DNMT3A: variants seen among roughly 807,000 people sequenced by gnomAD.
DNMT3A encodes DNA methyltransferase 3 alpha.
In DNMT3A, 267 loss-of-function variants were observed where a neutral mutation model predicts 117.6. The ratio of observed to expected loss-of-function variants is 2.27; its 90% CI spans 2.05 to 2.51. The LOEUF (loss-of-function observed/expected upper bound fraction) is 2.51, where lower values mean the gene tolerates loss of function less well. Among genes scored for constraint, DNMT3A ranks in the 30% most tolerant of loss-of-function variants. The pLI is 0.00. For synonymous variants in DNMT3A, 432 were observed against 474.8 expected (o/e 0.91, Z 1.17); for missense variants, 1,029 against 1,260.2 (o/e 0.82, Z 2.78).
intron 6 of DNMT3A, among the ~76,000 whole-genome samples, chr2:25,270,205 A>G (rs1307493701): frequency 5.9e-5 from 9 of 152,178 alleles, no homozygotes; most frequent in Admixed American, 5.9e-4. Flanking sequence ...TGCCTGCTGT[A>G]TTCCTCCCTC....
At chr2:25,245,229 T>C (rs761469301) in intron 13 of DNMT3A, 24 bp downstream of exon 13, 1 of 1,611,936 alleles carries the variant, frequency 6.2e-7, no homozygotes, top group Non-Finnish European at 8.5e-7. Flanking sequence ...CAACGGCACC[T>C]CTCCTGGGTG....
Position 25,234,257 on chromosome 2 carries a change from C to T in DNMT3A, c.*22G>A, listed in dbSNP as rs1237968018. The T allele has an allele frequency of 3.1e-6, 5 of 1,594,050 alleles. No homozygotes were observed. The South Asian group carries it at 3.4e-5, about 11-fold the overall frequency. On this transcript the variant is annotated 3_prime_UTR_variant, in exon 23 of 23. Coordinates refer to ENST00000321117, the MANE Select transcript of DNMT3A (RefSeq NM_022552.5). This position sits in a 1 kb window ranked among gnomAD's most constrained non-coding sequence, Gnocchi z 4.5. ...TTGTTTGTTTAACTTTGTGTCGCTA[C>T]CTCAGTTTGCCCCCATGTCCCTTAC...
At position 25,231,644 on chromosome 2, in the gene DNMT3A, G is replaced by C. The variant is rs993313147; in HGVS notation, c.*2635C>G. 4 of 152,288 alleles carry C rather than the reference G, an allele frequency of 2.6e-5. No homozygotes were observed. Among genetic ancestry groups the C allele is most frequent in the Non-Finnish European group, 5.9e-5 (4 of 68,166 alleles). The allele number at this position is 152,288 out of a possible 1,614,324, so 9.4% of individuals were successfully genotyped here. The stretch of plus-strand genomic sequence containing the variant: ...AGACCTGGATGTCAATTTGATTTCA[G>C]TTGGGGAGAATAGGTAGGGGGAGTT... On this transcript the variant is annotated 3_prime_UTR_variant, in exon 23 of 23. Transcript: ENST00000321117.
In DNMT3A at chr2:25,254,146, C is replaced by T. The variant is rs895256234; in HGVS notation, c.640-5894G>A. On this transcript the variant is annotated intron_variant, in intron 6 of 22. Coordinates refer to ENST00000321117, the MANE Select transcript of DNMT3A (RefSeq NM_022552.5). This position sits in a 1 kb window ranked among gnomAD's most constrained non-coding sequence, Gnocchi z 4.7. ...TGACCTTAAACAAGTCACTTAACCC[C>T]CAAGAAATCTGTTGTCTCATCTGCA... Among the ~76,000 whole-genome samples, 5 of 152,234 alleles carry T rather than the reference C, an allele frequency of 3.3e-5. 1 individual carries two copies. The highest frequency in any genetic ancestry group is 1.2e-4 in the African/African-American group (5 of 41,532).
At chr2:25,329,860 C>T (rs571186178) in intron 1 of DNMT3A, among the ~76,000 whole-genome samples, 8 of 152,312 alleles carry the variant, frequency 5.3e-5, no homozygotes, top group African/African-American at 1.4e-4. Context: ...GGATGCTGGG[C>T]GGGCCTTCCG....
At chr2:25,264,547 A>G (rs548304901) in intron 6 of DNMT3A, among the ~76,000 whole-genome samples, 1 of 151,578 alleles carries the variant, frequency 6.6e-6, no homozygotes, top group Non-Finnish European at 1.5e-5. Flanking sequence ...GGCTCACTGC[A>G]AGCTCCGCCT....
chr2:25,240,904 G>A (rs1673951444), intron 17 of DNMT3A, among the ~76,000 whole-genome samples, 174 bp from the exon 18 acceptor site: 1 of 152,226 alleles, frequency 6.6e-6, no homozygotes, highest in Non-Finnish European at 1.5e-5. Flanking sequence ...TCCTAAACAA[G>A]AACGGGACCA....
chr2:25,303,628 C>G (rs2033633298), intron 2 of DNMT3A, among the ~76,000 whole-genome samples: 2 of 152,236 alleles, frequency 1.3e-5, no homozygotes, highest in South Asian at 4.1e-4. Context: ...GCTTCTGGGT[C>G]GTGCTTGGAG....
At chr2:25,287,168 C>A (rs993294153) in intron 3 of DNMT3A, among the ~76,000 whole-genome samples, 5 of 151,926 alleles carry the variant, frequency 3.3e-5, no homozygotes, top group Admixed American at 2.0e-4. Context: ...ACAGCACACC[C>A]CCGAGATACT....
intron 3 of DNMT3A, among the ~76,000 whole-genome samples, chr2:25,292,006 G>C (rs2032796375): frequency 6.6e-6 from 1 of 152,202 alleles, no homozygotes; most frequent in Non-Finnish European, 1.5e-5. Context: ...TGTAATCCCA[G>C]CACTTTGGGA....
intron 6 of DNMT3A, among the ~76,000 whole-genome samples, chr2:25,274,012 G>A (rs1393290033): frequency 6.6e-6 from 1 of 152,126 alleles, no homozygotes; most frequent in African/African-American, 2.4e-5. Flanking sequence ...GGATTTAAAT[G>A]CCAGGGTTCT....
chr2:25,308,968 TACACACACACAC>T (rs10628428), intron 2 of DNMT3A, among the ~76,000 whole-genome samples: 18 of 144,124 alleles, frequency 1.2e-4, no homozygotes, highest in African/African-American at 3.1e-4. Context: ...CACAGATGCA[TACACACACACAC>T]ACACACACAC....
In DNMT3A at chr2:25,252,117, A is replaced by G; in HGVS notation, c.640-3865T>C. 2 of 1,519,626 alleles carry G rather than the reference A, an allele frequency of 1.3e-6. No homozygotes were observed. Among genetic ancestry groups the G allele is most frequent in the Admixed American group, 2.0e-5 (1 of 48,848 alleles). 94.1% of individuals were successfully genotyped at this position (1,519,626 alleles called of 1,614,324 possible). On this transcript the variant is annotated intron_variant, in intron 6 of 22. Coordinates refer to ENST00000321117, the MANE Select transcript of DNMT3A (RefSeq NM_022552.5). This position sits in a 1 kb window ranked among gnomAD's most constrained non-coding sequence, Gnocchi z 5.5. The stretch of plus-strand genomic sequence containing the variant: ...CATACTTCACTCTTTTCAAACCCGG[A>G]GGGCTGCGGAGATCCTCCCACCGGC...
At position 25,304,911 on chromosome 2, in the gene DNMT3A, C is replaced by T. The variant is rs1332483603; in HGVS notation, c.73-4668G>A. On this transcript the variant is annotated intron_variant, in intron 2 of 22. Transcript: ENST00000321117. The surrounding 1 kb of genome is among the most constrained non-coding windows in gnomAD (Gnocchi z 4.3). ...CCCCTAGGCCCCCTCCTCCCATCCC[C>T]TGCCTAGACTGAGCTGAAAGACCCT... 6.6e-6 allele frequency among the ~76,000 whole-genome samples: 1 copy of T among 152,266 alleles called. No homozygotes were observed. The highest frequency in any genetic ancestry group is 2.4e-5 in the African/African-American group (1 of 41,476).
chr2:25,241,351 G>A (rs1022003358), intron 17 of DNMT3A, among the ~76,000 whole-genome samples: 1 of 152,188 alleles, frequency 6.6e-6, no homozygotes, highest in Non-Finnish European at 1.5e-5. Context: ...TTATAGGCAT[G>A]AGCCACCATG....
chr2:25,297,245 C>A lies in DNMT3A; in HGVS notation c.177+2894G>T, dbSNP rs545897337. ...CTCCAATGTGCAAGGAGTTGCTTTC[C>A]CAACAGCTGACTTCCCAATCAGCTT... is the stretch of plus-strand genomic sequence containing the variant. On this transcript the variant is annotated intron_variant, in intron 3 of 22. Coordinates refer to ENST00000321117, the MANE Select transcript of DNMT3A (RefSeq NM_022552.5). Among the ~76,000 whole-genome samples, 3 of 152,276 alleles carry A rather than the reference C, an allele frequency of 2.0e-5. No homozygotes were observed. The East Asian group carries it at 5.8e-4, about 29-fold the overall frequency.
intron 10 of DNMT3A, 30 bp downstream of exon 10, chr2:25,246,590 G>T (rs1674800109): frequency 6.3e-7 from 1 of 1,594,218 alleles, no homozygotes; most frequent in Non-Finnish European, 8.6e-7. Context: ...GGCGGGCAGG[G>T]GTCCCAGAAA....
At position 25,252,544 on chromosome 2, in the gene DNMT3A, C is replaced by A. The variant is rs2149327494; in HGVS notation, c.640-4292G>T. Among the ~76,000 whole-genome samples, 1 of 151,650 alleles carries A rather than the reference C, an allele frequency of 6.6e-6. No homozygotes were observed. The highest frequency in any genetic ancestry group is 2.4e-5 in the African/African-American group (1 of 41,368). On this transcript the variant is annotated intron_variant, in intron 6 of 22. Coordinates refer to ENST00000321117, the MANE Select transcript of DNMT3A (RefSeq NM_022552.5). The surrounding 1 kb of genome is among the most constrained non-coding windows in gnomAD (Gnocchi z 5.5). Reference sequence around the variant, plus strand: ...GCCCGTTCCCAGGGCCCGCCCAGGCCGGGCTGCAGGGAGCGCCCCGCCTTC... The same window carrying A: ...GCCCGTTCCCAGGGCCCGCCCAGGCAGGGCTGCAGGGAGCGCCCCGCCTTC...
intron 3 of DNMT3A, among the ~76,000 whole-genome samples, chr2:25,288,355 T>C (rs749418053): frequency 3.3e-5 from 5 of 151,784 alleles, no homozygotes; most frequent in East Asian, 2.0e-4. Flanking sequence ...GGTGTGAACC[T>C]AGGAGGCAGA....
Sources: allele counts gnomAD v4.1 joint callset (sites outside exome capture counted in the v4.1 genomes callset), GRCh38; gene constraint gnomAD v4.1.1; non-coding constraint Gnocchi (gnomAD v3.1); transcripts MANE v1.5; gene names NCBI Gene and HGNC (gene_info 2026-07-23, HGNC 2026-07-21).